SIPA1L1: variants seen among roughly 807,000 people sequenced by gnomAD.
SIPA1L1 encodes signal induced proliferation associated 1 like 1.
In SIPA1L1, 26 loss-of-function variants were observed where a neutral mutation model predicts 162.7. That is an observed-to-expected ratio of 0.16 (90% CI 0.12 to 0.22). The LOEUF (loss-of-function observed/expected upper bound fraction) is 0.22, where lower values mean the gene tolerates loss of function less well. Ranked by LOEUF, SIPA1L1 falls within the 10% of genes least tolerant of loss-of-function variation. The probability of loss-of-function intolerance (pLI) is 1.00; values close to 1 mark genes in which losing one functional copy is unlikely to be tolerated. For synonymous variants in SIPA1L1, 829 were observed against 837.4 expected (o/e 0.99, Z 0.17); for missense variants, 1,874 against 2,241.0 (o/e 0.84, Z 3.31).
chr14:71,681,869 A>AAG, intron 12 of SIPA1L1, among the ~76,000 whole-genome samples: 1 of 152,354 alleles, frequency 6.6e-6, no homozygotes, highest in African/African-American at 2.4e-5. Context: ...AAAACAGAGT[A>AAG]AGGAGATGGA....
intron 2 of SIPA1L1, among the ~76,000 whole-genome samples, chr14:71,497,357 A>G (rs2049873004): frequency 6.6e-6 from 1 of 152,174 alleles, no homozygotes; most frequent in African/African-American, 2.4e-5. Flanking sequence ...ATACCGTTCT[A>G]AATGATCATA....
chr14:71,482,506 T>C (rs1449526369), intron 2 of SIPA1L1, among the ~76,000 whole-genome samples: 1 of 151,668 alleles, frequency 6.6e-6, no homozygotes, highest in Non-Finnish European at 1.5e-5. Context: ...CAGTGTGGTA[T>C]AAGTAGCCAC....
chr14:71,438,778 C>T (rs750295176), intron 2 of SIPA1L1, among the ~76,000 whole-genome samples: 9 of 152,238 alleles, frequency 5.9e-5, no homozygotes, highest in Non-Finnish European at 1.2e-4. Context: ...AATGTTTAAG[C>T]CACCAAGTAA....
intron 2 of SIPA1L1, among the ~76,000 whole-genome samples, chr14:71,451,665 T>C (rs1267669492): frequency 1.3e-5 from 2 of 151,328 alleles, no homozygotes; most frequent in African/African-American, 2.4e-5. Flanking sequence ...AAAAATTCTC[T>C]TGTAAAACAT....
chr14:71,627,711 T>G (rs1360386333), intron 7 of SIPA1L1, among the ~76,000 whole-genome samples: 1 of 152,120 alleles, frequency 6.6e-6, no homozygotes, highest in African/African-American at 2.4e-5. Context: ...ACAGCAACCC[T>G]GTGCAATAGA....
intron 5 of SIPA1L1, among the ~76,000 whole-genome samples, chr14:71,602,227 G>A (rs1438633393): frequency 1.3e-5 from 2 of 151,928 alleles, no homozygotes; most frequent in African/African-American, 4.8e-5. Context: ...CACTGTTTTT[G>A]CCATATCCCA....
rs192855235 is a variant in SIPA1L1 at position 71,461,303 on chromosome 14, C to T, written c.-464-51440C>T. ...TGGCAAATTGGGCACTCAGAAGTGG[C>T]CGTAGCCAGGACAGCCTTGGTGAGT... is the stretch of plus-strand genomic sequence containing the variant. On this transcript the variant is annotated intron_variant, in intron 2 of 23. Coordinates refer to ENST00000381232, the MANE Select transcript of SIPA1L1 (RefSeq NM_001386936.1). Among the ~76,000 whole-genome samples, 5 of 152,260 alleles carry T rather than the reference C, an allele frequency of 3.3e-5. No individual in the cohort carries two copies. The East Asian group carries it at 9.6e-4, about 29-fold the overall frequency.
At chr14:71,594,420 T>C (rs940662369) in intron 5 of SIPA1L1, among the ~76,000 whole-genome samples, 9 of 152,366 alleles carry the variant, frequency 5.9e-5, no homozygotes, top group South Asian at 2.1e-4. Context: ...TTATTTTGTT[T>C]ATTCAGTTTT....
intron 2 of SIPA1L1, among the ~76,000 whole-genome samples, chr14:71,427,287 A>G (rs905400250): frequency 4.6e-5 from 7 of 151,952 alleles, no homozygotes; most frequent in African/African-American, 1.2e-4. Flanking sequence ...TTTGAAGGAC[A>G]GTTTTGACAG....
At chr14:71,337,128 T>C (rs752518754) in intron 2 of SIPA1L1, among the ~76,000 whole-genome samples, 3 of 152,220 alleles carry the variant, frequency 2.0e-5, no homozygotes, top group Non-Finnish European at 4.4e-5. Flanking sequence ...AGTCATACTT[T>C]CCTGCTTGCT....
chr14:71,540,221 G>T (rs934709349), intron 4 of SIPA1L1, among the ~76,000 whole-genome samples: 2 of 152,228 alleles, frequency 1.3e-5, no homozygotes, highest in African/African-American at 2.4e-5. Flanking sequence ...GTTCCTCTGA[G>T]GGGAAGAGCG....
At chr14:71,428,904 A>G (rs1423800808) in intron 2 of SIPA1L1, among the ~76,000 whole-genome samples, 1 of 152,234 alleles carries the variant, frequency 6.6e-6, no homozygotes, top group East Asian at 1.9e-4. Flanking sequence ...AGCCAAAATT[A>G]AATGAAAATA....
At chr14:71,575,399 C>A (rs1043179549) in intron 4 of SIPA1L1, among the ~76,000 whole-genome samples, 1 of 152,000 alleles carries the variant, frequency 6.6e-6, no homozygotes, top group Admixed American at 6.6e-5. Context: ...TAGAAGAAGA[C>A]GTATACTTTT....
intron 7 of SIPA1L1, among the ~76,000 whole-genome samples, chr14:71,633,735 G>A (rs1277125106): frequency 6.6e-6 from 1 of 152,048 alleles, no homozygotes; most frequent in Non-Finnish European, 1.5e-5. Flanking sequence ...AGGGACAGAG[G>A]AAAAAATCAG....
At chr14:71,454,986 T>C (rs562405910) in intron 2 of SIPA1L1, among the ~76,000 whole-genome samples, 1 of 152,308 alleles carries the variant, frequency 6.6e-6, no homozygotes, top group Non-Finnish European at 1.5e-5. Flanking sequence ...ATTACCCTTA[T>C]TGCCTTATTA....
At chr14:71,536,864 C>T (rs2053948791) in intron 4 of SIPA1L1, among the ~76,000 whole-genome samples, 1 of 152,178 alleles carries the variant, frequency 6.6e-6, no homozygotes, top group African/African-American at 2.4e-5. Context: ...GAGATTTTAG[C>T]ATTTAAATAC....
At chr14:71,670,082 T>G (rs2044369824) in intron 10 of SIPA1L1, among the ~76,000 whole-genome samples, 1 of 152,180 alleles carries the variant, frequency 6.6e-6, no homozygotes, top group South Asian at 2.1e-4. Context: ...TAAGTATAAT[T>G]GCATAATTTG....
intron 5 of SIPA1L1, among the ~76,000 whole-genome samples, chr14:71,591,617 G>A (rs577592107): frequency 6.6e-6 from 1 of 152,198 alleles, no homozygotes; most frequent in African/African-American, 2.4e-5. Context: ...AACTCAAGCA[G>A]GGAATTGTTA....
At chr14:71,356,584 A>AAAAAAAAAAAAAAAAAAAAC (rs2037284301) in intron 2 of SIPA1L1, among the ~76,000 whole-genome samples, 1 of 146,576 alleles carries the variant, frequency 6.8e-6, no homozygotes. Context: ...AAAAAAAAAA[A>AAAAAAAAAAAAAAAAAAAAC]AAAGCACACC....
Sources: gnomAD v4.1 joint callset for allele counts (sites outside exome capture counted in the v4.1 genomes callset) on GRCh38, gnomAD v4.1.1 for gene constraint, MANE v1.5 for transcripts, NCBI Gene and HGNC (gene_info 2026-07-23, HGNC 2026-07-21) for gene names.